The following ARMH3 variants were observed in gnomAD, a reference collection of about 807,000 sequenced individuals.
ARMH3 encodes armadillo-like helical domain-containing protein 3.
ARMH3 carries 60 observed loss-of-function variants against 99.1 expected under a neutral mutation model. The ratio of observed to expected loss-of-function variants is 0.61; its 90% CI spans 0.49 to 0.75. The LOEUF is 0.75. ARMH3 is among the 30% of genes least tolerant of loss of function. ARMH3 has a pLI of 0.00. For missense variants in ARMH3, 679 were observed against 843.1 expected (o/e 0.81, Z 2.41); for synonymous variants, 285 against 292.8 (o/e 0.97, Z 0.27).
chr10:101,993,485 G>A (rs781363970), intron 17 of ARMH3, 53 bp downstream of exon 17: 24 of 1,375,626 alleles, frequency 1.7e-5, no homozygotes, highest in South Asian at 7.6e-5. Flanking sequence ...CAACCCTGCC[G>A]ACATACAAAA....
intron 1 of ARMH3, among the ~76,000 whole-genome samples, chr10:102,042,863 G>A (rs2067456669): frequency 6.6e-6 from 1 of 152,152 alleles, no homozygotes; most frequent in Admixed American, 6.5e-5. Flanking sequence ...ACCTGAGGTT[G>A]GGAGTTCGAG....
intron 1 of ARMH3, among the ~76,000 whole-genome samples, chr10:102,051,631 T>C (rs2067709992): frequency 6.6e-6 from 1 of 152,200 alleles, no homozygotes; most frequent in African/African-American, 2.4e-5. Flanking sequence ...TTGTGTGCTC[T>C]AGACAATGCT....
chr10:102,017,711 G>C (rs1416870115), intron 8 of ARMH3, among the ~76,000 whole-genome samples: 2 of 152,122 alleles, frequency 1.3e-5, no homozygotes, highest in South Asian at 2.1e-4. Flanking sequence ...CAGATCATCA[G>C]TAAAATAGGT....
chr10:101,894,779 A>C (rs1319562469), intron 23 of ARMH3, among the ~76,000 whole-genome samples: 1 of 151,344 alleles, frequency 6.6e-6, no homozygotes, highest in Non-Finnish European at 1.5e-5. Flanking sequence ...GGGCTGAGGC[A>C]GGAGAACTGC....
At chr10:101,861,954 C>A (rs1589921169) in intron 24 of ARMH3, among the ~76,000 whole-genome samples, 1 of 138,318 alleles carries the variant, frequency 7.2e-6, no homozygotes, top group Middle Eastern at 4.3e-3. Context: ...GAGGCTGAGG[C>A]AGGAGAATGG....
At chr10:101,849,661 T>C (rs2066540901) in intron 25 of ARMH3, 115 bp downstream of exon 25, 2 of 813,754 alleles carry the variant, frequency 2.5e-6, no homozygotes, top group African/African-American at 1.7e-5. Flanking sequence ...GCATACCCCA[T>C]CCCAGCAGAC....
chr10:101,966,159 G>A (rs12784758), intron 20 of ARMH3, among the ~76,000 whole-genome samples: 3 of 143,718 alleles, frequency 2.1e-5, no homozygotes, highest in Non-Finnish European at 4.5e-5. Context: ...CTGGAGTGGT[G>A]CAGTGGTGCA....
chr10:102,017,512 G>A (rs527587561), intron 8 of ARMH3, among the ~76,000 whole-genome samples: 93 of 152,308 alleles, frequency 6.1e-4, no homozygotes, highest in African/African-American at 2.1e-3. Context: ...GCCTCAGAGT[G>A]GACTGCATCC....
chr10:102,020,425 C>G (rs563225558), intron 8 of ARMH3, among the ~76,000 whole-genome samples: 3 of 151,686 alleles, frequency 2.0e-5, no homozygotes, highest in Non-Finnish European at 4.4e-5. Context: ...ACCTATAATC[C>G]AAGCACTTTG....
intron 15 of ARMH3, among the ~76,000 whole-genome samples, chr10:101,996,513 G>A (rs909335315): frequency 9.9e-5 from 15 of 152,190 alleles, no homozygotes; most frequent in African/African-American, 2.4e-4. Flanking sequence ...TCAAAGCCCC[G>A]ATATAGCCAA....
At chr10:101,915,239 G>C (rs1168397888) in intron 23 of ARMH3, among the ~76,000 whole-genome samples, 1 of 152,112 alleles carries the variant, frequency 6.6e-6, no homozygotes, top group Non-Finnish European at 1.5e-5. Context: ...TTGGTTGAGG[G>C]CCCCAGCAGC....
At chr10:101,988,697 C>A (rs956474065) in intron 19 of ARMH3, among the ~76,000 whole-genome samples, 1 of 152,102 alleles carries the variant, frequency 6.6e-6, no homozygotes, top group African/African-American at 2.4e-5. Flanking sequence ...CCAAGGCAGG[C>A]AGATCACCTA....
At chr10:101,944,159 A>G (rs2135734830) in intron 22 of ARMH3, among the ~76,000 whole-genome samples, 1 of 148,278 alleles carries the variant, frequency 6.7e-6, no homozygotes, top group Middle Eastern at 3.4e-3. Context: ...GAAATATTAA[A>G]AAAGAAACCC....
chr10:101,911,152 A>AG (rs1181092276), intron 23 of ARMH3, among the ~76,000 whole-genome samples: 4 of 152,100 alleles, frequency 2.6e-5, no homozygotes, highest in African/African-American at 9.7e-5. Flanking sequence ...AAAAAAAAAA[A>AG]AGAGACAGAA....
intron 15 of ARMH3, among the ~76,000 whole-genome samples, chr10:102,001,714 T>C (rs1400072881): frequency 6.6e-6 from 1 of 152,198 alleles, no homozygotes; most frequent in Non-Finnish European, 1.5e-5. Context: ...CTAAGAAGAT[T>C]TGCTAGCTTT....
chr10:102,009,597 C>A, intron 12 of ARMH3, 148 bp from the exon 13 acceptor site: 2 of 751,872 alleles, frequency 2.7e-6, no homozygotes, highest in South Asian at 1.7e-5. Flanking sequence ...GCCATTTGGG[C>A]GTATGCAAAA....
intron 24 of ARMH3, among the ~76,000 whole-genome samples, chr10:101,876,178 G>A (rs1288737242): frequency 2.0e-5 from 3 of 150,664 alleles, no homozygotes; most frequent in African/African-American, 7.3e-5. Context: ...GAACCCGGAA[G>A]GCGGAGATTG....
At chr10:102,015,552 A>C (rs1387993416) in intron 8 of ARMH3, among the ~76,000 whole-genome samples, 1 of 151,910 alleles carries the variant, frequency 6.6e-6, no homozygotes, top group Non-Finnish European at 1.5e-5. Context: ...CACCACGCCC[A>C]GCTAATTTTG....
chr10:102,029,921 T>G (rs1004695452), intron 4 of ARMH3, among the ~76,000 whole-genome samples, 176 bp from the exon 5 acceptor site: 1 of 150,338 alleles, frequency 6.7e-6, no homozygotes, highest in South Asian at 2.1e-4. Flanking sequence ...GGTTTTTTTG[T>G]TTGTTTGTTT....
Sources: gnomAD v4.1 joint callset for allele counts (sites outside exome capture counted in the v4.1 genomes callset) on GRCh38, gnomAD v4.1.1 for gene constraint, MANE v1.5 for transcripts, NCBI Gene and HGNC (gene_info 2026-07-23, HGNC 2026-07-21) for gene names.